PTPRD: variants seen among roughly 807,000 people sequenced by gnomAD.
PTPRD encodes the protein receptor-type tyrosine-protein phosphatase delta.
Under a neutral mutation model 214.5 loss-of-function variants are expected in PTPRD, and 34 were observed. The observed-to-expected ratio is 0.16, with a 90% CI of 0.12 to 0.21. The LOEUF is 0.21. Among genes scored for constraint, PTPRD ranks in the 10% least tolerant of loss-of-function variants. The pLI is 1.00. For missense variants in PTPRD, 2,545 were observed against 2,398.7 expected (o/e 1.06, Z -1.27); for synonymous variants, 1,128 against 845.7 (o/e 1.33, Z -5.79).
chr9:8,329,934 TCG>T lies in PTPRD; in HGVS notation c.5534+1646_5534+1647del, dbSNP rs1337893797. ...GCAGTGAGATTTTCAAGCCAGTGGATCGTATCTTGCTGGGCTCTGTGGGAGTG... is the reference window on the plus strand; with the variant it reads ...GCAGTGAGATTTTCAAGCCAGTGGATTATCTTGCTGGGCTCTGTGGGAGTG... On this transcript the variant is annotated intron_variant, in intron 44 of 45. Coordinates refer to ENST00000381196, the MANE Select transcript of PTPRD (RefSeq NM_002839.4). 1.5e-4 allele frequency among the ~76,000 whole-genome samples: 8 copies of T among 54,856 alleles called. No homozygotes were observed. The African/African-American group carries it at 2.4e-3, about 17-fold the overall frequency. The allele number at this position is 54,856 out of a possible 152,430, so 36.0% of individuals were successfully genotyped here.
intron 11 of PTPRD, among the ~76,000 whole-genome samples, chr9:8,795,103 T>C (rs973421957): frequency 1.3e-5 from 2 of 152,176 alleles, no homozygotes; most frequent in African/African-American, 2.4e-5. Context: ...TTTTAATTTC[T>C]TGGGCACTAC....
chr9:10,422,414 C>G lies in PTPRD; in HGVS notation c.-599-81397G>C, dbSNP rs549365400. On this transcript the variant is annotated intron_variant, in intron 2 of 45. Coordinates refer to ENST00000381196, the MANE Select transcript of PTPRD (RefSeq NM_002839.4). ...ATAGGCATGGGTAAGGTCTTCATGACTAAAACACCAAAAGCAATGGTAACA... is the reference window on the plus strand; with the variant it reads ...ATAGGCATGGGTAAGGTCTTCATGAGTAAAACACCAAAAGCAATGGTAACA... Among the ~76,000 whole-genome samples the G allele has an allele frequency of 1.4e-3, 215 of 152,064 alleles. 1 individual carries two copies. Among genetic ancestry groups the G allele is most frequent in the Non-Finnish European group, 2.5e-3 (170 of 67,972 alleles).
At chr9:8,921,318 C>G (rs903312222) in intron 11 of PTPRD, among the ~76,000 whole-genome samples, 1 of 152,134 alleles carries the variant, frequency 6.6e-6, no homozygotes, top group African/African-American at 2.4e-5. Context: ...TCTCACTCCT[C>G]TCTCACACAC....
intron 9 of PTPRD, among the ~76,000 whole-genome samples, chr9:9,269,300 A>G (rs1042057320): frequency 6.6e-6 from 1 of 151,416 alleles, no homozygotes; most frequent in Non-Finnish European, 1.5e-5. Flanking sequence ...TCAAAACCAC[A>G]ATAAGATATC....
chr9:9,165,130 C>T (rs2099900225), intron 10 of PTPRD, among the ~76,000 whole-genome samples: 1 of 151,052 alleles, frequency 6.6e-6, no homozygotes, highest in Admixed American at 6.6e-5. Context: ...ATTTATTGAA[C>T]TTCATCTACC....
chr9:9,362,469 A>T (rs909053259), intron 9 of PTPRD, among the ~76,000 whole-genome samples: 4 of 151,244 alleles, frequency 2.6e-5, no homozygotes, highest in Admixed American at 6.6e-5. Flanking sequence ...CAGTTCAAGG[A>T]TGAAATGTAT....
At chr9:10,359,731 C>T (rs1350492352) in intron 2 of PTPRD, among the ~76,000 whole-genome samples, 3 of 152,082 alleles carry the variant, frequency 2.0e-5, no homozygotes, top group African/African-American at 7.2e-5. Flanking sequence ...TACATTAACT[C>T]TATAAGTAAT....
chr9:10,254,969 T>C (rs2093129177), intron 3 of PTPRD, among the ~76,000 whole-genome samples: 1 of 152,236 alleles, frequency 6.6e-6, no homozygotes, highest in African/African-American at 2.4e-5. Context: ...TTATGTGCTG[T>C]ATAAAATCTC....
intron 11 of PTPRD, among the ~76,000 whole-genome samples, chr9:8,890,092 TC>T (rs1342700793): frequency 6.6e-6 from 1 of 152,200 alleles, no homozygotes; most frequent in East Asian, 1.9e-4. Flanking sequence ...GTAAAAGTGT[TC>T]CCTTTTCACA....
intron 8 of PTPRD, among the ~76,000 whole-genome samples, chr9:9,534,748 T>C (rs1161010751): frequency 6.6e-6 from 1 of 152,058 alleles, no homozygotes; most frequent in Non-Finnish European, 1.5e-5. Flanking sequence ...CTGGAATCAT[T>C]GTACATAGTC....
intron 10 of PTPRD, among the ~76,000 whole-genome samples, chr9:9,107,799 C>T (rs1203554994): frequency 6.6e-6 from 1 of 152,082 alleles, no homozygotes; most frequent in Non-Finnish European, 1.5e-5. Context: ...TTGTTCATAC[C>T]CCTGTCACCT....
At chr9:8,421,374 C>CT (rs202043112) in intron 35 of PTPRD, among the ~76,000 whole-genome samples, 72 of 149,722 alleles carry the variant, frequency 4.8e-4, no homozygotes, top group African/African-American at 1.7e-3. Flanking sequence ...CTTCTCTTCT[C>CT]TCTCTCTCTC....
At chr9:8,643,773 A>C (rs11795341) in intron 12 of PTPRD, among the ~76,000 whole-genome samples, 10 of 152,012 alleles carry the variant, frequency 6.6e-5, no homozygotes, top group African/African-American at 1.9e-4. Flanking sequence ...CCAGGGTGGA[A>C]GGGAAGCCAA....
At chr9:9,249,604 T>C (rs371444487) in intron 9 of PTPRD, among the ~76,000 whole-genome samples, 3 of 152,074 alleles carry the variant, frequency 2.0e-5, no homozygotes, top group East Asian at 1.9e-4. Context: ...TGTTTCTCCC[T>C]CCCTCTTCCT....
chr9:9,352,327 A>ATATG (rs1555280411), intron 9 of PTPRD, among the ~76,000 whole-genome samples: 76 of 68,436 alleles, frequency 1.1e-3, no homozygotes, highest in Admixed American at 3.7e-3. Flanking sequence ...ATATATATAT[A>ATATG]TGTGTGTGTG....
intron 3 of PTPRD, among the ~76,000 whole-genome samples, chr9:10,045,185 T>A (rs1031032125): frequency 5.9e-5 from 9 of 151,828 alleles, no homozygotes; most frequent in African/African-American, 1.7e-4. Context: ...TATTTTAACT[T>A]TTCTTTGGCC....
chr9:9,333,824 A>T (rs1025123429), intron 9 of PTPRD, among the ~76,000 whole-genome samples: 3 of 151,956 alleles, frequency 2.0e-5, no homozygotes, highest in African/African-American at 7.2e-5. Flanking sequence ...TCCTCTAAGT[A>T]AAATTATTAG....
chr9:9,188,536 G>C (rs2099933091), intron 9 of PTPRD, among the ~76,000 whole-genome samples: 1 of 152,038 alleles, frequency 6.6e-6, no homozygotes, highest in South Asian at 2.1e-4. Context: ...GAAGTTATTT[G>C]CTTTGAAAGT....
chr9:8,453,269 T>C (rs1367723941), intron 33 of PTPRD, among the ~76,000 whole-genome samples: 4 of 152,172 alleles, frequency 2.6e-5, no homozygotes, highest in East Asian at 1.9e-4. Context: ...GTTCATGCCA[T>C]TCTCCTGCCT....
Sources: allele counts gnomAD v4.1 joint callset (sites outside exome capture counted in the v4.1 genomes callset), GRCh38; gene constraint gnomAD v4.1.1; transcripts MANE v1.5; gene names NCBI Gene and HGNC (gene_info 2026-07-23, HGNC 2026-07-21).